The following ANKFN1 variants were observed in gnomAD, a reference collection of about 807,000 sequenced individuals.
The protein encoded by ANKFN1 is ankyrin repeat and fibronectin type III domain containing 1.
Under a neutral mutation model 108.7 loss-of-function variants are expected in ANKFN1, and 74 were observed. That is an observed-to-expected ratio of 0.68 (90% CI 0.56 to 0.83). The LOEUF (loss-of-function observed/expected upper bound fraction) is 0.83. Ranked by LOEUF, ANKFN1 falls within the 40% of genes least tolerant of loss-of-function variation. The pLI is 0.00. For missense variants in ANKFN1, 1,505 were observed against 1,382.3 expected (o/e 1.09, Z -1.41); for synonymous variants, 547 against 516.2 (o/e 1.06, Z -0.81).
At chr17:56,150,314 A>G (rs1445171344), upstream of ANKFN1, among the ~76,000 whole-genome samples, 1 of 152,238 alleles carries the variant, frequency 6.6e-6, no homozygotes, top group East Asian at 1.9e-4. Context: ...TCTCTTAAAA[A>G]TATGAAAAGA....
intron 18 of ANKFN1, among the ~76,000 whole-genome samples, chr17:56,490,935 G>A (rs1296173322): frequency 6.6e-6 from 1 of 151,512 alleles, no homozygotes. Context: ...TATCCCCAGA[G>A]AAAAAAAAGC....
chr17:56,236,596 A>G (rs927663229), intron 3 of ANKFN1, among the ~76,000 whole-genome samples: 10 of 152,092 alleles, frequency 6.6e-5, no homozygotes, highest in Admixed American at 5.9e-4. Context: ...TTAGGCCAAG[A>G]CTATGGGGTT....
At chr17:56,210,228 A>C (rs565059223) in intron 1 of ANKFN1, among the ~76,000 whole-genome samples, 2 of 152,188 alleles carry the variant, frequency 1.3e-5, no homozygotes, top group Non-Finnish European at 2.9e-5. Flanking sequence ...TCTTTTTTGC[A>C]TAATGACTTC....
At chr17:56,103,385 G>A (rs1048983235) in intron 4 of ANKFN1, among the ~76,000 whole-genome samples, 1 of 152,160 alleles carries the variant, frequency 6.6e-6, no homozygotes, top group African/African-American at 2.4e-5. Flanking sequence ...CAAAGCCAAA[G>A]GCACTGCAGG....
intron 3 of ANKFN1, among the ~76,000 whole-genome samples, chr17:56,324,263 A>G (rs1304093467): frequency 6.6e-6 from 1 of 152,220 alleles, no homozygotes; most frequent in African/African-American, 2.4e-5. Context: ...AATAGGCTCT[A>G]AGTAACGTTA....
intron 4 of ANKFN1, among the ~76,000 whole-genome samples, chr17:56,131,246 A>G (rs1323589210): frequency 6.6e-6 from 1 of 152,186 alleles, no homozygotes; most frequent in Non-Finnish European, 1.5e-5. Flanking sequence ...AATGCTGTTT[A>G]TTATTTTCTT....
intron 3 of ANKFN1, among the ~76,000 whole-genome samples, chr17:56,305,858 T>G (rs1401844852): frequency 1.3e-5 from 2 of 152,216 alleles, no homozygotes; most frequent in Non-Finnish European, 2.9e-5. Context: ...TTTTTTGGTT[T>G]GGTGTTTTTT....
intron 3 of ANKFN1, among the ~76,000 whole-genome samples, chr17:56,274,641 A>G (rs901670707): frequency 1.7e-4 from 26 of 152,136 alleles, no homozygotes; most frequent in Non-Finnish European, 3.2e-4. Context: ...TCACCCTATT[A>G]GAGGCACTGA....
chr17:56,144,946 T>TC (rs373658649), intron 4 of ANKFN1, among the ~76,000 whole-genome samples: 7 of 151,622 alleles, frequency 4.6e-5, no homozygotes, highest in East Asian at 1.9e-4. Context: ...CTTTTTTTTT[T>TC]CTAAAAACCA....
At chr17:56,085,690 C>A (rs1905303564) in intron 4 of ANKFN1, among the ~76,000 whole-genome samples, 1 of 151,316 alleles carries the variant, frequency 6.6e-6, no homozygotes, top group Admixed American at 6.6e-5. Context: ...GCGCAAGGGA[C>A]TTTCATGAAG....
intron 4 of ANKFN1, among the ~76,000 whole-genome samples, chr17:56,058,563 C>A (rs1474268766): frequency 6.6e-6 from 1 of 151,956 alleles, no homozygotes; most frequent in African/African-American, 2.4e-5. Context: ...GCCTATTGAC[C>A]CATCCTCTAA....
intron 17 of ANKFN1, 60 bp from the exon 18 acceptor site, chr17:56,482,296 G>A: frequency 7.0e-7 from 1 of 1,434,646 alleles, no homozygotes; most frequent in Non-Finnish European, 9.3e-7. Context: ...GTTTGGTGTT[G>A]TTTATGTAAG....
chr17:56,131,454 A>G (rs1907278440), intron 4 of ANKFN1, among the ~76,000 whole-genome samples: 1 of 152,160 alleles, frequency 6.6e-6, no homozygotes, highest in Non-Finnish European at 1.5e-5. Context: ...AGCCACCATA[A>G]TTGTTTCAGT....
intron 18 of ANKFN1, among the ~76,000 whole-genome samples, chr17:56,486,009 A>T (rs2050844391): frequency 6.6e-6 from 1 of 152,200 alleles, no homozygotes; most frequent in Admixed American, 6.5e-5. Context: ...ATAAATACAA[A>T]ACTAGAGATG....
intron 4 of ANKFN1, among the ~76,000 whole-genome samples, chr17:56,100,814 C>A (rs1905632398): frequency 6.6e-6 from 1 of 152,162 alleles, no homozygotes; most frequent in Non-Finnish European, 1.5e-5. Context: ...TGAATTTGTC[C>A]TTTGGGGTTC....
At chr17:56,422,442 C>T (rs1234113967) in intron 8 of ANKFN1, among the ~76,000 whole-genome samples, 2 of 151,858 alleles carry the variant, frequency 1.3e-5, no homozygotes, top group Non-Finnish European at 2.9e-5. Context: ...CCACCACACA[C>T]ATGCATGCAC....
chr17:56,204,461 C>T (rs934515538), intron 1 of ANKFN1, among the ~76,000 whole-genome samples: 4 of 152,038 alleles, frequency 2.6e-5, no homozygotes, highest in Non-Finnish European at 5.9e-5. Context: ...CTGTCTCAGC[C>T]TCCAGAGTAG....
rs1257867716 is a variant in ANKFN1 at position 56,510,501 on chromosome 17, C to G, written c.2673C>G (p.Ala891=). The change falls in exon 21 of 21, where the codon GCC becomes GCG. Residue 891 remains alanine (A), a synonymous_variant. Coordinates refer to ENST00000682825, the MANE Select transcript of ANKFN1 (RefSeq NM_001370326.1). ...SDSQPCSDEE[A]CSEVFLPTNS... ...CACAGCCCTGCTCTGATGAAGAAGC[C>G]TGCTCAGAAGTCTTCCTCCCCACCA... 2.0e-6 allele frequency: 3 copies of G among 1,536,146 alleles called. No individual in the cohort carries two copies. The African/African-American group carries it at 4.1e-5, about 21-fold the overall frequency.
At chr17:56,351,753 CAGGTATTCTCAT>C (rs2144674505) in intron 5 of ANKFN1, among the ~76,000 whole-genome samples, 1 of 152,258 alleles carries the variant, frequency 6.6e-6, no homozygotes, top group Non-Finnish European at 1.5e-5. Flanking sequence ...CATGATGTTA[CAGGTATTCTCAT>C]ATAATAGTTT....
Sources: allele counts gnomAD v4.1 joint callset (sites outside exome capture counted in the v4.1 genomes callset), GRCh38; gene constraint gnomAD v4.1.1; transcripts MANE v1.5; gene names NCBI Gene and HGNC (gene_info 2026-07-23, HGNC 2026-07-21).